RNF180: variants seen among roughly 807,000 people sequenced by gnomAD.
RNF180 encodes ring finger protein 180, also known as E3 ubiquitin-protein ligase RNF180.
A neutral mutation model predicts 59.2 loss-of-function variants in RNF180; 38 were observed. The ratio of observed to expected loss-of-function variants is 0.64; its 90% CI spans 0.50 to 0.84. The LOEUF (loss-of-function observed/expected upper bound fraction) is 0.84, where lower values mean the gene tolerates loss of function less well. Among genes scored for constraint, RNF180 ranks in the 40% least tolerant of loss-of-function variants. The probability of loss-of-function intolerance (pLI) is 0.00; values close to 1 mark genes in which losing one functional copy is unlikely to be tolerated. For missense variants in RNF180, 705 were observed against 700.9 expected, an observed-to-expected ratio of 1.01 and a Z score of -0.07; for synonymous variants, 262 against 240.3, an observed-to-expected ratio of 1.09 and a Z score of -0.84.
chr5:64,279,269 G>T (rs1741882589), intron 5 of RNF180, among the ~76,000 whole-genome samples: 1 of 152,126 alleles, frequency 6.6e-6, no homozygotes, highest in African/African-American at 2.4e-5. Context: ...TAAAAATAGA[G>T]TTTTAGATAT....
intron 5 of RNF180, among the ~76,000 whole-genome samples, chr5:64,230,664 C>T (rs910165166): frequency 6.6e-6 from 1 of 152,156 alleles, no homozygotes; most frequent in Admixed American, 6.5e-5. Context: ...TTACAGGTTC[C>T]AGAGATTAGG....
intron 7 of RNF180, among the ~76,000 whole-genome samples, chr5:64,362,205 C>T (rs1028485258): frequency 6.6e-6 from 1 of 151,282 alleles, no homozygotes; most frequent in Middle Eastern, 3.2e-3. Context: ...GCCTAGGACC[C>T]AACAGTTATT....
chr5:64,214,638 A>G lies in RNF180; in HGVS notation c.1191+121A>G, dbSNP rs181622270. On this transcript the variant is annotated intron_variant, in intron 4 of 7. Transcript: ENST00000389100. ...TGGTTTTAGTAATTCTGGAAATGCT[A>G]TTTCTCTCTGAGTGCACTCAGTAAT... 2.4e-4 allele frequency: 200 copies of G among 822,550 alleles called. No homozygotes were observed. The East Asian group carries it at 2.8e-3, about 11-fold the overall frequency. 51.0% of individuals were successfully genotyped at this position (822,550 alleles called of 1,614,324 possible).
At chr5:64,208,779 T>C (rs1345880825) in intron 2 of RNF180, among the ~76,000 whole-genome samples, 2 of 151,932 alleles carry the variant, frequency 1.3e-5, no homozygotes, top group Non-Finnish European at 2.9e-5. Flanking sequence ...ATTCCTCTCT[T>C]TTTGGTTGTG....
At chr5:64,173,847 C>T (rs1046436414) in intron 1 of RNF180, among the ~76,000 whole-genome samples, 1 of 151,904 alleles carries the variant, frequency 6.6e-6, no homozygotes, top group Admixed American at 6.6e-5. Context: ...TCCTGAGTAG[C>T]TGGGATTATA....
At chr5:64,276,693 T>C (rs1197886114) in intron 5 of RNF180, among the ~76,000 whole-genome samples, 1 of 151,918 alleles carries the variant, frequency 6.6e-6, no homozygotes, top group East Asian at 1.9e-4. Flanking sequence ...ATTAAAAAAA[T>C]TTAAAAATAA....
At chr5:64,279,069 G>C (rs548976717) in intron 5 of RNF180, among the ~76,000 whole-genome samples, 20 of 152,302 alleles carry the variant, frequency 1.3e-4, no homozygotes, top group South Asian at 2.1e-4. Context: ...TATACTGTTA[G>C]AAATGAAAAG....
Position 64,250,085 on chromosome 5 carries a change from C to T in RNF180, c.1227+32689C>T, listed in dbSNP as rs189035851. ...TTAGGCCACACAACAAGTCTCAACA[C>T]ATTTTTAAAAATTGAAATACTATTA... On this transcript the variant is annotated intron_variant, in intron 5 of 7. Coordinates refer to ENST00000389100, the MANE Select transcript of RNF180 (RefSeq NM_001113561.2). Among the ~76,000 whole-genome samples, 6 of 152,262 alleles carry T rather than the reference C, an allele frequency of 3.9e-5. 1 individual carries two copies. The highest frequency in any genetic ancestry group is 3.3e-4 in the Admixed American group (5 of 15,282).
At chr5:64,301,386 T>A (rs547369988) in intron 5 of RNF180, among the ~76,000 whole-genome samples, 1 of 151,892 alleles carries the variant, frequency 6.6e-6, no homozygotes, top group African/African-American at 2.4e-5. Context: ...CTTCCAATGA[T>A]CTTACTTTCA....
intron 5 of RNF180, among the ~76,000 whole-genome samples, chr5:64,236,123 A>G (rs934983927): frequency 6.6e-6 from 1 of 152,228 alleles, no homozygotes; most frequent in Non-Finnish European, 1.5e-5. Context: ...AAGATGTGGG[A>G]AAGTTTGAAA....
chr5:64,166,415 C>T (rs1162269588), intron 1 of RNF180, among the ~76,000 whole-genome samples: 3 of 152,184 alleles, frequency 2.0e-5, no homozygotes, highest in Non-Finnish European at 2.9e-5. Context: ...CTGCACGGTT[C>T]CACTTTCCTT....
chr5:64,243,137 G>A lies in RNF180; in HGVS notation c.1227+25741G>A, dbSNP rs185192939. Among the ~76,000 whole-genome samples the A allele has an allele frequency of 3.8e-3, 580 of 152,314 alleles. 3 individuals carry two copies. The highest frequency in any genetic ancestry group is 6.0e-3 in the Non-Finnish European group (411 of 68,028). ...AGGTGCCTACACCAACAGAGCCCTG[G>A]GTTTCAAGCACAAAACTGGGTGGCC... is the stretch of plus-strand genomic sequence containing the variant. On this transcript the variant is annotated intron_variant, in intron 5 of 7. Transcript: ENST00000389100.
chr5:64,287,449 A>G (rs1742346983), intron 5 of RNF180, among the ~76,000 whole-genome samples: 1 of 152,134 alleles, frequency 6.6e-6, no homozygotes. Context: ...CCTATGGAGG[A>G]TTCTCTTAAG....
At chr5:64,335,419 A>C (rs1033424121) in intron 7 of RNF180, among the ~76,000 whole-genome samples, 3 of 151,896 alleles carry the variant, frequency 2.0e-5, no homozygotes, top group Admixed American at 1.3e-4. Context: ...GTATTTTTCA[A>C]ATAATTTGAA....
intron 1 of RNF180, among the ~76,000 whole-genome samples, chr5:64,178,836 C>CT (rs1750405969): frequency 6.6e-6 from 1 of 152,172 alleles, no homozygotes; most frequent in East Asian, 1.9e-4. Context: ...GCTCATTTTT[C>CT]TTTTTGTGTC....
Position 64,234,603 on chromosome 5 carries a change from T to G in RNF180, c.1227+17207T>G, listed in dbSNP as rs1290509557. ...CTTTTTTTTTTTTTTTTTTTTTTTT[T>G]TTTTTTTTTTTTTTGAGAAGGAGTC... On this transcript the variant is annotated intron_variant, in intron 5 of 7. Transcript: ENST00000389100. Among the ~76,000 whole-genome samples, 553 of 62,562 alleles carry G rather than the reference T, an allele frequency of 8.8e-3. 13 individuals carry two copies. Among genetic ancestry groups the G allele is most frequent in the African/African-American group, 0.035 (516 of 14,758 alleles). 41.0% of individuals were successfully genotyped at this position (62,562 alleles called of 152,430 possible). A position where few individuals can be genotyped will look rare whatever the true frequency, so the allele number is the denominator to read the frequency against.
chr5:64,326,779 T>C (rs1744666497), intron 6 of RNF180, among the ~76,000 whole-genome samples: 1 of 152,144 alleles, frequency 6.6e-6, no homozygotes, highest in African/African-American at 2.4e-5. Context: ...AAAACTTTTT[T>C]TTGTTATTGT....
At chr5:64,183,441 C>CTTTTTTT (rs367772828) in intron 1 of RNF180, among the ~76,000 whole-genome samples, 9 of 89,914 alleles carry the variant, frequency 1.0e-4, no homozygotes, top group Non-Finnish European at 1.3e-4. Flanking sequence ...GAAAGTATAC[C>CTTTTTTT]TTTTTTTTTT....
intron 5 of RNF180, among the ~76,000 whole-genome samples, chr5:64,263,490 T>G (rs1000363640): frequency 6.6e-6 from 1 of 152,206 alleles, no homozygotes; most frequent in African/African-American, 2.4e-5. Flanking sequence ...GTAATGAACC[T>G]TTTAACTGTG....
Sources: allele counts gnomAD v4.1 joint callset (sites outside exome capture counted in the v4.1 genomes callset), GRCh38; gene constraint gnomAD v4.1.1; transcripts MANE v1.5; gene names NCBI Gene and HGNC (gene_info 2026-07-23, HGNC 2026-07-21).